Variants in CDH8 observed in about 807,000 individuals in gnomAD.
CDH8 encodes the protein cadherin-8.
CDH8 carries 17 observed loss-of-function variants against 68.1 expected under a neutral mutation model. That is an observed-to-expected ratio of 0.25 (90% CI 0.17 to 0.37). CDH8 has a LOEUF of 0.37. Ranked by LOEUF, CDH8 falls within the 10% of genes least tolerant of loss-of-function variation. The pLI, the probability that CDH8 is intolerant of heterozygous loss-of-function variation, is 1.00. For missense variants in CDH8, 763 were observed against 999.3 expected (o/e 0.76, Z 3.19); for synonymous variants, 372 against 365.1 (o/e 1.02, Z -0.21).
At chr16:61,932,233 G>GA (rs1453808512) in intron 2 of CDH8, among the ~76,000 whole-genome samples, 1 of 148,570 alleles carries the variant, frequency 6.7e-6, no homozygotes, top group Non-Finnish European at 1.5e-5. Flanking sequence ...GAAAAGAAAA[G>GA]AAAAAGCACA....
chr16:61,710,388 G>A (rs746721957), intron 10 of CDH8, among the ~76,000 whole-genome samples: 7 of 152,008 alleles, frequency 4.6e-5, no homozygotes, highest in Non-Finnish European at 8.8e-5. Flanking sequence ...GGACAATGAG[G>A]TAACACGAGG....
chr16:62,015,226 G>A (rs2080937352), intron 2 of CDH8, among the ~76,000 whole-genome samples: 1 of 152,150 alleles, frequency 6.6e-6, no homozygotes, highest in African/African-American at 2.4e-5. Flanking sequence ...GGCTATGTGT[G>A]TAAGGTAAAT....
intron 2 of CDH8, among the ~76,000 whole-genome samples, chr16:61,956,871 T>G (rs1274188382): frequency 6.6e-6 from 1 of 152,152 alleles, no homozygotes. Flanking sequence ...CATGATTACC[T>G]GCATTCTCTC....
intron 10 of CDH8, 148 bp downstream of exon 10, chr16:61,713,693 T>C (rs904448243): frequency 5.7e-6 from 3 of 525,088 alleles, no homozygotes; most frequent in African/African-American, 2.0e-5. Context: ...AGTAAGGTAA[T>C]TACCATGCCA....
At chr16:61,710,735 A>G (rs962354285) in intron 10 of CDH8, 1 of 151,972 alleles carries the variant, frequency 6.6e-6, no homozygotes, top group African/African-American at 2.4e-5. Flanking sequence ...TGCTCTGGCA[A>G]TTTGAATCAC....
chr16:61,777,062 A>C (rs541138170), intron 8 of CDH8, among the ~76,000 whole-genome samples: 1 of 152,254 alleles, frequency 6.6e-6, no homozygotes, highest in African/African-American at 2.4e-5. Flanking sequence ...AAAAGCAATG[A>C]TTCCAACCTA....
intron 10 of CDH8, among the ~76,000 whole-genome samples, chr16:61,668,683 A>G (rs28481959): frequency 1.3e-5 from 2 of 151,542 alleles, no homozygotes; most frequent in African/African-American, 4.8e-5. Flanking sequence ...AAAAAAAACA[A>G]ACACACACCA....
intron 2 of CDH8, among the ~76,000 whole-genome samples, chr16:61,992,401 T>A (rs1353270497): frequency 8.0e-6 from 1 of 124,686 alleles, no homozygotes; most frequent in Non-Finnish European, 1.6e-5. Context: ...TGAGAACACA[T>A]GGACACAGGA....
intron 10 of CDH8, among the ~76,000 whole-genome samples, chr16:61,669,275 T>C (rs1396995911): frequency 2.6e-5 from 4 of 152,072 alleles, no homozygotes. Context: ...TTGACACATT[T>C]AATTAATTCC....
intron 9 of CDH8, among the ~76,000 whole-genome samples, chr16:61,717,665 C>A (rs1964756706): frequency 6.6e-6 from 1 of 151,454 alleles, no homozygotes; most frequent in Admixed American, 6.6e-5. Flanking sequence ...ATCACAGGAT[C>A]TATTAGAACC....
intron 8 of CDH8, among the ~76,000 whole-genome samples, chr16:61,751,514 C>T (rs888467189): frequency 2.6e-5 from 4 of 151,704 alleles, no homozygotes; most frequent in East Asian, 3.9e-4. Flanking sequence ...AAGACCGTCC[C>T]GTTACATTTT....
chr16:61,677,938 G>A (rs1596858069), intron 10 of CDH8, among the ~76,000 whole-genome samples: 2 of 152,128 alleles, frequency 1.3e-5, no homozygotes, highest in East Asian at 3.9e-4. Flanking sequence ...CAGACCTTAA[G>A]TCTGATAAGA....
chr16:61,931,149 A>C (rs1239972660), intron 2 of CDH8, among the ~76,000 whole-genome samples: 1 of 151,866 alleles, frequency 6.6e-6, no homozygotes, highest in African/African-American at 2.4e-5. Context: ...TGAAATCATG[A>C]GGACCTTTTG....
chr16:61,716,442 T>A (rs1362551557), intron 9 of CDH8, among the ~76,000 whole-genome samples: 2 of 151,710 alleles, frequency 1.3e-5, no homozygotes, highest in African/African-American at 4.8e-5. Context: ...CAGGAACTCA[T>A]TAGATAAGCA....
chr16:61,763,129 A>C (rs1425238908), intron 8 of CDH8, among the ~76,000 whole-genome samples: 1 of 152,148 alleles, frequency 6.6e-6, no homozygotes, highest in African/African-American at 2.4e-5. Flanking sequence ...ACAACAGGAA[A>C]GAGTCTTCTA....
At chr16:61,714,875 T>C (rs1964694437) in intron 9 of CDH8, among the ~76,000 whole-genome samples, 2 of 151,682 alleles carry the variant, frequency 1.3e-5, no homozygotes, top group Admixed American at 1.3e-4. Context: ...GATATAATAA[T>C]GATGTCAATG....
intron 5 of CDH8, among the ~76,000 whole-genome samples, chr16:61,822,204 C>T (rs1223748039): frequency 1.2e-5 from 1 of 82,668 alleles, no homozygotes; most frequent in Non-Finnish European, 2.2e-5. Context: ...CAAAAACGCA[C>T]CTTTTTTTTT....
At chr16:61,946,925 A>G (rs1490926799) in intron 2 of CDH8, among the ~76,000 whole-genome samples, 2 of 152,236 alleles carry the variant, frequency 1.3e-5, no homozygotes, top group Non-Finnish European at 2.9e-5. Context: ...TTTATAGAGC[A>G]GAAGAGAAAT....
intron 2 of CDH8, among the ~76,000 whole-genome samples, chr16:61,993,269 A>T (rs1168855642): frequency 6.6e-6 from 1 of 152,142 alleles, no homozygotes; most frequent in African/African-American, 2.4e-5. Context: ...GAAATTGGAG[A>T]CAGCACTCCC....
Sources: allele counts gnomAD v4.1 joint callset (sites outside exome capture counted in the v4.1 genomes callset), GRCh38; gene constraint gnomAD v4.1.1; transcripts MANE v1.5; gene names NCBI Gene and HGNC (gene_info 2026-07-23, HGNC 2026-07-21).